Variants in PTPRN2 observed in about 807,000 individuals in gnomAD.
The protein encoded by PTPRN2 is receptor-type tyrosine-protein phosphatase N2.
Under a neutral mutation model 118.8 loss-of-function variants are expected in PTPRN2, and 74 were observed. The ratio of observed to expected loss-of-function variants is 0.62; its 90% CI spans 0.52 to 0.76. The LOEUF (loss-of-function observed/expected upper bound fraction) is 0.76. Among genes scored for constraint, PTPRN2 ranks in the 30% least tolerant of loss-of-function variants. The pLI is 0.00. For missense variants in PTPRN2, 1,481 were observed against 1,394.4 expected (o/e 1.06, Z -0.99); for synonymous variants, 641 against 608.0 (o/e 1.05, Z -0.80).
intron 3 of PTPRN2, among the ~76,000 whole-genome samples, chr7:158,280,762 GTGT>G (rs1452690692): frequency 6.6e-6 from 1 of 152,236 alleles, no homozygotes; most frequent in African/African-American, 2.4e-5. Flanking sequence ...AACAATGGAA[GTGT>G]TGTTTGCAGA....
chr7:157,975,601 C>T (rs6969469), intron 11 of PTPRN2, among the ~76,000 whole-genome samples: 120,028 of 152,132 alleles, frequency 0.79, 47,697 homozygotes, highest in African/African-American at 0.88. Context: ...GTGAGTGTCA[C>T]AGATGTCACA....
intron 3 of PTPRN2, among the ~76,000 whole-genome samples, chr7:158,216,775 A>AGT (rs1386184401): frequency 6.6e-6 from 1 of 152,156 alleles, no homozygotes; most frequent in Non-Finnish European, 1.5e-5. Flanking sequence ...TTTATGGAAC[A>AGT]CTGTACCCAA....
intron 1 of PTPRN2, chr7:158,532,694 A>G (rs929554670): frequency 1.9e-6 from 1 of 533,736 alleles, no homozygotes; most frequent in Non-Finnish European, 3.9e-6. Context: ...CAAAAAATAC[A>G]TAACAAAACA....
intron 10 of PTPRN2, among the ~76,000 whole-genome samples, chr7:158,102,998 A>T (rs1815367711): frequency 6.6e-6 from 1 of 152,192 alleles, no homozygotes; most frequent in African/African-American, 2.4e-5. Flanking sequence ...GCATCAGTCC[A>T]TGGGGAACCC....
In PTPRN2 at chr7:157,720,430, C is replaced by T. The variant is rs78037360; in HGVS notation, c.1789-37493G>A. Among the ~76,000 whole-genome samples the T allele has an allele frequency of 3.4e-3, 513 of 152,328 alleles. 3 individuals are homozygous for T. The highest frequency in any genetic ancestry group is 0.012 in the African/African-American group (493 of 41,568). On this transcript the variant is annotated intron_variant, in intron 12 of 22. Transcript: ENST00000389418. ...GCAGCTCCTGCTCTGTGTTTGGGAA[C>T]GCGTGCGGCCCACAGGACAAAGCCT...
At chr7:158,342,143 CAG>C (rs1806982574) in intron 2 of PTPRN2, among the ~76,000 whole-genome samples, 1 of 149,358 alleles carries the variant, frequency 6.7e-6, no homozygotes, top group African/African-American at 2.5e-5. Context: ...CTGTCGCCCG[CAG>C]AGGTCACTCA....
intron 12 of PTPRN2, among the ~76,000 whole-genome samples, chr7:157,723,044 G>T (rs1466406025): frequency 1.3e-5 from 2 of 152,224 alleles, no homozygotes; most frequent in East Asian, 3.9e-4. Flanking sequence ...AATGCAGATG[G>T]TCTCCTAGCT....
intron 12 of PTPRN2, among the ~76,000 whole-genome samples, chr7:157,818,007 A>G (rs1243225496): frequency 2.0e-5 from 3 of 150,658 alleles, no homozygotes; most frequent in Admixed American, 6.6e-5. Context: ...TGCGTGGGGC[A>G]TGTGTGCGGT....
chr7:157,827,839 G>A (rs1019749125), intron 12 of PTPRN2, among the ~76,000 whole-genome samples: 10 of 152,208 alleles, frequency 6.6e-5, no homozygotes, highest in African/African-American at 9.6e-5. Context: ...ACCGTGTCAC[G>A]GGCTGTTCCC....
In PTPRN2 at chr7:158,053,747, A is replaced by C. The variant is rs148302398; in HGVS notation, c.1723+27551T>G. Among the ~76,000 whole-genome samples the C allele has an allele frequency of 2.9e-3, 435 of 150,940 alleles. 1 individual carries two copies. Among genetic ancestry groups the C allele is most frequent in the African/African-American group, 9.8e-3 (399 of 40,516 alleles). On this transcript the variant is annotated intron_variant, in intron 11 of 22. Transcript: ENST00000389418. ...AGAGATGCAGAGACCCTAGAGATGC[A>C]GAGACTCCAGAGACGCAGAGACCCC...
chr7:158,251,684 G>A (rs749360276), intron 3 of PTPRN2, among the ~76,000 whole-genome samples: 5 of 150,826 alleles, frequency 3.3e-5, no homozygotes, highest in African/African-American at 7.3e-5. Flanking sequence ...TATGGTGCAC[G>A]TGTGGTGTGT....
chr7:157,703,392 C>T (rs890824123), intron 12 of PTPRN2, among the ~76,000 whole-genome samples: 4 of 152,212 alleles, frequency 2.6e-5, no homozygotes, highest in Non-Finnish European at 4.4e-5. Context: ...CTGGGGCTGC[C>T]GCTGCTGAGC....
chr7:157,786,988 G>A (rs1804079392), intron 12 of PTPRN2, among the ~76,000 whole-genome samples: 1 of 152,140 alleles, frequency 6.6e-6, no homozygotes, highest in African/African-American at 2.4e-5. Context: ...AAGCCACTGA[G>A]CCTGGGACAG....
intron 2 of PTPRN2, among the ~76,000 whole-genome samples, chr7:158,448,270 C>T (rs899510927): frequency 2.0e-5 from 3 of 152,150 alleles, no homozygotes; most frequent in African/African-American, 4.8e-5. Context: ...TAAATCAGAA[C>T]GGTAACATTA....
At chr7:158,171,205 CTA>C (rs1297788901) in intron 5 of PTPRN2, among the ~76,000 whole-genome samples, 37 of 74,084 alleles carry the variant, frequency 5.0e-4, no homozygotes, top group African/African-American at 1.8e-3. Flanking sequence ...TATATATACA[CTA>C]TATATACACA....
chr7:158,487,518 C>G (rs76614282), intron 2 of PTPRN2, among the ~76,000 whole-genome samples: 29,178 of 152,060 alleles, frequency 0.19, 3,308 homozygotes, highest in East Asian at 0.41. Context: ...TTATTAATAA[C>G]CTCTGTTGGG....
intron 2 of PTPRN2, among the ~76,000 whole-genome samples, chr7:158,381,439 C>T (rs1810960061): frequency 6.6e-6 from 1 of 152,200 alleles, no homozygotes; most frequent in African/African-American, 2.4e-5. Context: ...ACAAGAGTCA[C>T]TTTTGCTCTG....
At chr7:158,382,433 T>C (rs1349686441) in intron 2 of PTPRN2, among the ~76,000 whole-genome samples, 1 of 152,186 alleles carries the variant, frequency 6.6e-6, no homozygotes, top group Non-Finnish European at 1.5e-5. Flanking sequence ...CCCTCTTCTC[T>C]CCTCAGAAAG....
chr7:158,381,883 T>C (rs1810990300), intron 2 of PTPRN2, among the ~76,000 whole-genome samples: 1 of 152,174 alleles, frequency 6.6e-6, no homozygotes, highest in South Asian at 2.1e-4. Context: ...CTCCCCCTTA[T>C]AGAACCATCA....
Sources: allele counts gnomAD v4.1 joint callset (sites outside exome capture counted in the v4.1 genomes callset), GRCh38; gene constraint gnomAD v4.1.1; transcripts MANE v1.5; gene names NCBI Gene and HGNC (gene_info 2026-07-23, HGNC 2026-07-21).